Variants in KDM5A observed in about 807,000 individuals in gnomAD.
KDM5A encodes the protein lysine-specific demethylase 5A.
A neutral mutation model predicts 193.5 loss-of-function variants in KDM5A; 42 were observed. The observed-to-expected ratio is 0.22, with a 90% CI of 0.17 to 0.28. The LOEUF is 0.28. Among genes scored for constraint, KDM5A ranks in the 10% least tolerant of loss-of-function variants. The probability of loss-of-function intolerance (pLI) is 1.00; values close to 1 mark genes in which losing one functional copy is unlikely to be tolerated. For missense variants in KDM5A, 1,692 were observed against 2,055.1 expected (o/e 0.82, Z 3.42); for synonymous variants, 796 against 718.1 (o/e 1.11, Z -1.73).
chr12:351,560 T>A (rs887311), intron 9 of KDM5A, among the ~76,000 whole-genome samples: 4 of 151,874 alleles, frequency 2.6e-5, no homozygotes, highest in African/African-American at 7.3e-5. Context: ...TAAGATATCC[T>A]AGGAAAAGAA....
In KDM5A at chr12:385,827, C is replaced by T. The variant is rs1944631531; in HGVS notation, c.243+70G>A. ...TCTAGGCTGTGGTACATGAGCTTCT[C>T]AAAGTTCTCTACCTACAGCCCTAAT... is the stretch of plus-strand genomic sequence containing the variant. On this transcript the variant is annotated intron_variant, in intron 2 of 27. Coordinates refer to ENST00000399788, the MANE Select transcript of KDM5A (RefSeq NM_001042603.3). The T allele has an allele frequency of 3.0e-5, 37 of 1,215,494 alleles. No individual in the cohort carries two copies. The South Asian group carries it at 4.5e-4, about 15-fold the overall frequency. 75.3% of individuals were successfully genotyped at this position (1,215,494 alleles called of 1,614,324 possible).
chr12:305,004 T>C (rs375112100), intron 24 of KDM5A, among the ~76,000 whole-genome samples: 22 of 152,324 alleles, frequency 1.4e-4, no homozygotes, highest in South Asian at 6.2e-4. Flanking sequence ...TAAACAAAGA[T>C]AGTCATTAAC....
At chr12:345,995 A>G (rs1300741120) in intron 10 of KDM5A, among the ~76,000 whole-genome samples, 1 of 152,178 alleles carries the variant, frequency 6.6e-6, no homozygotes, top group Non-Finnish European at 1.5e-5. Context: ...TTTTGAAAAG[A>G]TCAACAAAAT....
chr12:295,991 C>T (rs1364060398), intron 25 of KDM5A, among the ~76,000 whole-genome samples, 198 bp from the exon 26 acceptor site: 2 of 151,892 alleles, frequency 1.3e-5, no homozygotes, highest in African/African-American at 2.4e-5. Flanking sequence ...CCAAGGCCCA[C>T]TCTAAAAAAA....
rs377271333 is a variant in KDM5A, at chr12:330,085, G to GTGTGTGTGTATATATATATATATATA, written c.1774-1057_1774-1056insTATATATATATATATATACACACACA. 1.1e-3 allele frequency among the ~76,000 whole-genome samples: 147 copies of GTGTGTGTGTATATATATATATATATA among 139,346 alleles called. 1 individual carries two copies. The highest frequency in any genetic ancestry group is 3.7e-3 in the African/African-American group (138 of 37,244). The allele number at this position is 139,346 out of a possible 152,430, so 91.4% of individuals were successfully genotyped here. The stretch of plus-strand genomic sequence containing the variant: ...TGTGTGTGTGTGTGTGTGTGTGTGT[G>GTGTGTGTGTATATATATATATATATA]TATATATATATATCTTATGATTAGC... On this transcript the variant is annotated intron_variant, in intron 13 of 27. Transcript: ENST00000399788.
intron 18 of KDM5A, among the ~76,000 whole-genome samples, chr12:320,555 C>G (rs1270798098): frequency 6.6e-6 from 1 of 151,974 alleles, no homozygotes; most frequent in African/African-American, 2.4e-5. Flanking sequence ...CCCTCAAACA[C>G]AAAAACACCC....
At position 285,602 on chromosome 12, in the gene KDM5A, C is replaced by T. The variant is rs746372582; in HGVS notation, c.4927G>A (p.Val1643Ile). The T allele has an allele frequency of 6.2e-7, 1 of 1,614,088 alleles. No individual in the cohort carries two copies. The highest frequency in any genetic ancestry group is 8.5e-7 in the Non-Finnish European group (1 of 1,179,956). The change falls in exon 28 of 28, where the codon GTA becomes ATA. Residue 1643 changes from valine to isoleucine, a missense_variant. Coordinates refer to ENST00000399788, the MANE Select transcript of KDM5A (RefSeq NM_001042603.3). ...TCATTTTCAGCCATTTCTGGAGATA[C>T]ACCCACACAAACTTGATGAAACCAC... Reference protein sequence around the residue: ...DEWFHQVCVGVSPEMAENEDY... With the variant: ...DEWFHQVCVGISPEMAENEDY...
chr12:313,822 T>C (rs945846333), intron 19 of KDM5A, among the ~76,000 whole-genome samples: 20 of 152,010 alleles, frequency 1.3e-4, no homozygotes, highest in Non-Finnish European at 1.6e-4. Context: ...CCCAGGAGAG[T>C]TGAGAAAGGC....
At chr12:369,101 C>T (rs939363075) in intron 3 of KDM5A, among the ~76,000 whole-genome samples, 1 of 152,234 alleles carries the variant, frequency 6.6e-6, no homozygotes, top group Non-Finnish European at 1.5e-5. Flanking sequence ...AATTCATATG[C>T]ACAAGAGTTG....
chr12:350,904 G>A (rs1028594617), intron 9 of KDM5A, 125 bp from the exon 10 acceptor site: 73 of 855,956 alleles, frequency 8.5e-5, no homozygotes, highest in Non-Finnish European at 1.3e-4. Context: ...ATTCCCTAGA[G>A]CAGTAAAGAC....
At chr12:388,289 G>C (rs1944671908) in intron 1 of KDM5A, 1 of 455,890 alleles carries the variant, frequency 2.2e-6, no homozygotes. Flanking sequence ...TGCAATAACT[G>C]TGATTCTAAA....
chr12:305,086 C>G lies in KDM5A; in HGVS notation c.4074+1860G>C, dbSNP rs537178137. Among the ~76,000 whole-genome samples the G allele has an allele frequency of 4.9e-4, 74 of 152,232 alleles. 1 individual carries two copies. Among genetic ancestry groups the G allele is most frequent in the African/African-American group, 1.6e-3 (67 of 41,554 alleles). The stretch of plus-strand genomic sequence containing the variant: ...AGCTAGTGTACCTTTCAGCAGACTG[C>G]CAATGAATTCTTCATAATGGGATTT... On this transcript the variant is annotated intron_variant, in intron 24 of 27. Transcript: ENST00000399788.
At chr12:362,868 G>C in intron 5 of KDM5A, 95 bp downstream of exon 5, 1 of 1,144,648 alleles carries the variant, frequency 8.7e-7, no homozygotes, top group Non-Finnish European at 1.3e-6. Context: ...GGAGGCAAGA[G>C]GATCACTTGA....
intron 1 of KDM5A, chr12:388,623 T>C (rs532100246): frequency 2.1e-6 from 1 of 466,818 alleles, no homozygotes; most frequent in Non-Finnish European, 4.0e-6. Flanking sequence ...ATACGTCACG[T>C]CATAATACTG....
intron 10 of KDM5A, among the ~76,000 whole-genome samples, chr12:338,737 T>C (rs995774751): frequency 2.0e-5 from 3 of 152,118 alleles, no homozygotes; most frequent in African/African-American, 7.2e-5. Context: ...TCCTATCCTA[T>C]AGAAAGCTTT....
chr12:359,807 G>T (rs1422870707), intron 5 of KDM5A, among the ~76,000 whole-genome samples: 12 of 143,652 alleles, frequency 8.4e-5, no homozygotes, highest in African/African-American at 3.1e-4. Context: ...AGAAGGGAGG[G>T]AGGGAGAAGG....
intron 10 of KDM5A, among the ~76,000 whole-genome samples, chr12:337,646 CTTT>C (rs61446610): frequency 2.8e-5 from 4 of 140,624 alleles, no homozygotes; most frequent in African/African-American, 7.8e-5. Flanking sequence ...TATTTCTAAA[CTTT>C]TTTTTTTTTT....
At chr12:374,220 C>G (rs1944470588) in intron 3 of KDM5A, among the ~76,000 whole-genome samples, 1 of 152,138 alleles carries the variant, frequency 6.6e-6, no homozygotes, top group Non-Finnish European at 1.5e-5. Context: ...GAGTCTAAGT[C>G]TCTTTGTGGG....
At chr12:334,760 A>C (rs1039764614) in intron 10 of KDM5A, among the ~76,000 whole-genome samples, 7 of 152,002 alleles carry the variant, frequency 4.6e-5, no homozygotes, top group African/African-American at 1.7e-4. Flanking sequence ...CAGTAGCATA[A>C]TTTCCTAAAA....
Sources: allele counts gnomAD v4.1 joint callset (sites outside exome capture counted in the v4.1 genomes callset), GRCh38; gene constraint gnomAD v4.1.1; transcripts MANE v1.5; gene names NCBI Gene and HGNC (gene_info 2026-07-23, HGNC 2026-07-21).